Variants in ENO4 observed in about 807,000 individuals in gnomAD.
ENO4 encodes the protein 2-phospho-D-glycerate hydro-lyase.
In ENO4, 53 loss-of-function variants were observed where a neutral mutation model predicts 63.2. That is an observed-to-expected ratio of 0.84 (90% CI 0.67 to 1.05). ENO4 has a LOEUF of 1.05. Ranked by LOEUF, ENO4 falls within the 50% of genes least tolerant of loss-of-function variation. ENO4 has a pLI of 0.00. For synonymous variants in ENO4, 266 were observed against 283.8 expected (o/e 0.94, Z 0.63); for missense variants, 719 against 772.0 (o/e 0.93, Z 0.81).
intron 10 of ENO4, among the ~76,000 whole-genome samples, chr10:116,893,879 A>C (rs1460730197): frequency 6.6e-6 from 1 of 152,226 alleles, no homozygotes; most frequent in African/African-American, 2.4e-5. Context: ...AAAAGCTCAT[A>C]ATCTTTCATA....
chr10:116,852,473 G>A (rs1039590584), intron 1 of ENO4, among the ~76,000 whole-genome samples: 1 of 152,194 alleles, frequency 6.6e-6, no homozygotes, highest in Admixed American at 6.5e-5. Context: ...TCCTCACTGT[G>A]ATAGAGTTAC....
At chr10:116,861,235 AAATAT>A (rs1564846493) in intron 6 of ENO4, 45 bp downstream of exon 6, 17 of 355,118 alleles carry the variant, frequency 4.8e-5, no homozygotes, top group South Asian at 3.1e-4. Flanking sequence ...AAAAAAAAAA[AAATAT>A]ATATATATAT....
intron 10 of ENO4, among the ~76,000 whole-genome samples, chr10:116,905,286 A>G (rs887592610): frequency 6.6e-6 from 1 of 152,082 alleles, no homozygotes; most frequent in Non-Finnish European, 1.5e-5. Flanking sequence ...TGACTCAAGC[A>G]CTGATTAAGT....
intron 2 of ENO4, 35 bp downstream of exon 2, chr10:116,855,786 T>C (rs1564844012): frequency 9.4e-6 from 14 of 1,491,100 alleles, no homozygotes; most frequent in Non-Finnish European, 1.2e-5. Flanking sequence ...TTTAATGTCC[T>C]GGCCCCACTG....
At chr10:116,896,098 T>C (rs981640321) in intron 10 of ENO4, among the ~76,000 whole-genome samples, 1 of 152,214 alleles carries the variant, frequency 6.6e-6, no homozygotes, top group African/African-American at 2.4e-5. Context: ...TGTGAATATA[T>C]ACTGATAAAG....
At chr10:116,861,672 T>C (rs1846418482) in intron 6 of ENO4, among the ~76,000 whole-genome samples, 1 of 152,182 alleles carries the variant, frequency 6.6e-6, no homozygotes, top group South Asian at 2.1e-4. Context: ...CAAGGATCTA[T>C]ACTACTCCTC....
rs542661830 is a variant in ENO4 at position 116,853,232 on chromosome 10, T to C, written c.166-2391T>C. Among the ~76,000 whole-genome samples, 641 of 149,510 alleles carry C rather than the reference T, an allele frequency of 4.3e-3. 2 individuals carry two copies. Among genetic ancestry groups the C allele is most frequent in the Non-Finnish European group, 7.0e-3 (476 of 67,698 alleles). On this transcript the variant is annotated intron_variant, in intron 1 of 13. Coordinates refer to ENST00000341276, the MANE Select transcript of ENO4 (RefSeq NM_001242699.2). Reference sequence around the variant, plus strand: ...ATGGCGTGAACCCGGGAGGCGGAGCTTGCAGCGAGCCAAGATTGTGCCACT... The same window carrying C: ...ATGGCGTGAACCCGGGAGGCGGAGCCTGCAGCGAGCCAAGATTGTGCCACT...
chr10:116,875,561 T>TCACACACACACA (rs56000218), intron 10 of ENO4, among the ~76,000 whole-genome samples: 78,974 of 147,822 alleles, frequency 0.53, 21,823 homozygotes, highest in Non-Finnish European at 0.61. Flanking sequence ...TCCAGGCTGG[T>TCACACACACACA]CACACACACA....
intron 10 of ENO4, among the ~76,000 whole-genome samples, chr10:116,903,683 A>G (rs1847843196): frequency 6.6e-6 from 1 of 152,226 alleles, no homozygotes; most frequent in African/African-American, 2.4e-5. Context: ...GCTTCTGATC[A>G]GCTCTATTCT....
At position 116,879,861 on chromosome 10, in the gene ENO4, C is replaced by T. The variant is rs976671371; in HGVS notation, c.1606-8C>T. 7 of 1,545,502 alleles carry T rather than the reference C, an allele frequency of 4.5e-6. No homozygotes were observed. The African/African-American group carries it at 6.9e-5, about 15-fold the overall frequency. ...TCCGTCTAAAATTAGTTTTTTCCCC[C>T]CTTTCAGGCTGTTGGGCTTGGTGTC... On this transcript the variant is annotated splice_region_variant and splice_polypyrimidine_tract_variant and intron_variant, in intron 12 of 13. Coordinates refer to ENST00000341276, the MANE Select transcript of ENO4 (RefSeq NM_001242699.2).
At chr10:116,871,021 AT>A in intron 8 of ENO4, 103 bp from the exon 9 acceptor site, 1 of 964,526 alleles carries the variant, frequency 1.0e-6, no homozygotes, top group South Asian at 1.7e-5. Flanking sequence ...CAAAGGACTG[AT>A]CTTTGCAGAG....
intron 4 of ENO4, among the ~76,000 whole-genome samples, chr10:116,859,717 C>T (rs928638881): frequency 6.6e-6 from 1 of 152,080 alleles, no homozygotes; most frequent in Non-Finnish European, 1.5e-5. Flanking sequence ...TGAACTAGAA[C>T]GTGCTCCTTG....
At chr10:116,854,940 C>CAAAA (rs71013620) in intron 1 of ENO4, among the ~76,000 whole-genome samples, 415 of 41,330 alleles carry the variant, frequency 0.01, no homozygotes, top group East Asian at 0.011. Flanking sequence ...GACCCTGTCT[C>CAAAA]AAAAAAAAAA....
At chr10:116,886,644 C>A, downstream of ENO4, 1 of 1,575,468 alleles carries the variant, frequency 6.3e-7, no homozygotes, top group South Asian at 1.2e-5. Context: ...TGGATTCAGA[C>A]TAACATAAAA....
At chr10:116,888,305 T>C (rs188675015) in intron 10 of ENO4, among the ~76,000 whole-genome samples, 3 of 152,294 alleles carry the variant, frequency 2.0e-5, no homozygotes, top group Admixed American at 6.5e-5. Flanking sequence ...GTGGTACCTG[T>C]TTTGACTCTC....
intron 11 of ENO4, among the ~76,000 whole-genome samples, chr10:116,876,850 C>T (rs1846848756): frequency 6.6e-6 from 1 of 152,052 alleles, no homozygotes; most frequent in Admixed American, 6.5e-5. Flanking sequence ...ACTCGGGAGG[C>T]TGAGGCAGGA....
intron 9 of ENO4, among the ~76,000 whole-genome samples, chr10:116,872,294 T>A (rs1846717600): frequency 6.6e-6 from 1 of 152,128 alleles, no homozygotes; most frequent in Non-Finnish European, 1.5e-5. Flanking sequence ...TTAGGAAAGT[T>A]ATTAGTTTTC....
At position 116,876,046 on chromosome 10, in the gene ENO4, C is replaced by G. The variant is rs1846824870; in HGVS notation, c.1342-19C>G. The G allele has an allele frequency of 2.7e-6, 4 of 1,494,982 alleles. No individual in the cohort carries two copies. The highest frequency in any genetic ancestry group is 3.6e-6 in the Non-Finnish European group (4 of 1,119,624). The allele number at this position is 1,494,982 out of a possible 1,614,324, so 92.6% of individuals were successfully genotyped here. ...ATGTTCAATGCATTATAATGATCAA[C>G]TCTTAAATATTTACCCAGGACTCTG... On this transcript the variant is annotated intron_variant, in intron 10 of 13. Transcript: ENST00000341276.
chr10:116,886,671 T>C, downstream of ENO4: 1 of 1,483,702 alleles, frequency 6.7e-7, no homozygotes, highest in East Asian at 2.3e-5. Context: ...ATGTTCTAAG[T>C]CTAATCAACA....
Sources: allele counts gnomAD v4.1 joint callset (sites outside exome capture counted in the v4.1 genomes callset), GRCh38; gene constraint gnomAD v4.1.1; transcripts MANE v1.5; gene names NCBI Gene and HGNC (gene_info 2026-07-23, HGNC 2026-07-21).